The following KIAA1328 variants were observed in gnomAD, a reference collection of about 807,000 sequenced individuals.
The protein encoded by KIAA1328 is protein hinderin.
KIAA1328 carries 52 observed loss-of-function variants against 68.1 expected under a neutral mutation model. The observed-to-expected ratio is 0.76, with a 90% confidence interval of 0.61 to 0.96. The LOEUF (loss-of-function observed/expected upper bound fraction) is 0.96, where lower values mean the gene tolerates loss of function less well. Among genes scored for constraint, KIAA1328 ranks in the 40% least tolerant of loss-of-function variants. KIAA1328 has a pLI of 0.00. For missense variants in KIAA1328, 641 were observed against 677.6 expected, an observed-to-expected ratio of 0.95 and a Z score of 0.60; for synonymous variants, 232 against 239.4, an observed-to-expected ratio of 0.97 and a Z score of 0.28.
At chr18:36,954,846 C>A (rs955350006) in intron 5 of KIAA1328, among the ~76,000 whole-genome samples, 20 of 151,526 alleles carry the variant, frequency 1.3e-4, no homozygotes, top group Non-Finnish European at 1.5e-5. Flanking sequence ...AGGCGCCCAC[C>A]ACCATGCCTG....
In KIAA1328 at chr18:37,006,171, A is replaced by G. The variant is rs866770076; in HGVS notation, c.576+46736A>G. 4.6e-5 allele frequency among the ~76,000 whole-genome samples: 7 copies of G among 152,294 alleles called. No homozygotes were observed. The South Asian group carries it at 1.2e-3, about 27-fold the overall frequency. On this transcript the variant is annotated intron_variant, in intron 6 of 9. Transcript: ENST00000280020. ...GTATGCCATAAATTTGTACAAATTA[A>G]AAAAAGTAGTTATTTAAAAAAACCT...
chr18:37,122,629 G>A (rs1211924436), intron 7 of KIAA1328, among the ~76,000 whole-genome samples: 1 of 151,878 alleles, frequency 6.6e-6, no homozygotes, highest in Non-Finnish European at 1.5e-5. Flanking sequence ...TAATAGGAGG[G>A]AATGTGGAAA....
intron 6 of KIAA1328, among the ~76,000 whole-genome samples, chr18:37,012,078 T>C (rs1323587050): frequency 6.6e-6 from 1 of 152,130 alleles, no homozygotes; most frequent in Non-Finnish European, 1.5e-5. Context: ...TACTTGAAAA[T>C]AAGTATATTA....
chr18:37,041,668 G>A (rs1048524765), intron 6 of KIAA1328, among the ~76,000 whole-genome samples: 4 of 146,662 alleles, frequency 2.7e-5, no homozygotes, highest in Non-Finnish European at 5.9e-5. Flanking sequence ...GTGTGTGTGT[G>A]TGTGTGTGTA....
intron 6 of KIAA1328, among the ~76,000 whole-genome samples, chr18:37,063,963 C>A (rs986239025): frequency 2.0e-5 from 3 of 151,858 alleles, no homozygotes; most frequent in Non-Finnish European, 4.4e-5. Context: ...AATTTCTGAC[C>A]TTTTAGTAAA....
chr18:36,931,180 C>A (rs1395129331), intron 5 of KIAA1328, among the ~76,000 whole-genome samples: 1 of 151,992 alleles, frequency 6.6e-6, no homozygotes, highest in Non-Finnish European at 1.5e-5. Context: ...CTTTTGGCTC[C>A]AATTTGGATT....
At chr18:37,201,228 A>G (rs1349778090) in intron 9 of KIAA1328, among the ~76,000 whole-genome samples, 3 of 152,368 alleles carry the variant, frequency 2.0e-5, no homozygotes, top group Admixed American at 2.0e-4. Context: ...AGTAATTTGA[A>G]TGGTAGAAGT....
intron 9 of KIAA1328, among the ~76,000 whole-genome samples, chr18:37,194,393 T>G (rs1482968169): frequency 6.6e-6 from 1 of 152,236 alleles, no homozygotes; most frequent in East Asian, 1.9e-4. Flanking sequence ...TCTATTTTTT[T>G]GTCCACTTTC....
chr18:36,849,411 T>C (rs1229631330), intron 4 of KIAA1328, among the ~76,000 whole-genome samples: 1 of 152,014 alleles, frequency 6.6e-6, no homozygotes, highest in African/African-American at 2.4e-5. Flanking sequence ...TGTTCACCAG[T>C]TACTCCCCAT....
intron 6 of KIAA1328, among the ~76,000 whole-genome samples, chr18:36,962,564 A>T (rs181826394): frequency 6.6e-6 from 1 of 152,170 alleles, no homozygotes; most frequent in Non-Finnish European, 1.5e-5. Flanking sequence ...TGACTACGTA[A>T]TTGGAAGTAA....
intron 6 of KIAA1328, among the ~76,000 whole-genome samples, chr18:37,025,936 C>G (rs1599009933): frequency 1.3e-5 from 2 of 152,098 alleles, no homozygotes; most frequent in Non-Finnish European, 2.9e-5. Context: ...AATCCAGGAG[C>G]TGGTTTTTTG....
intron 5 of KIAA1328, among the ~76,000 whole-genome samples, chr18:36,943,318 C>G (rs2050778051): frequency 6.6e-6 from 1 of 152,158 alleles, no homozygotes; most frequent in Non-Finnish European, 1.5e-5. Flanking sequence ...TAGAACCTTT[C>G]TTAGCTGATG....
At chr18:36,972,107 A>G (rs2052245264) in intron 6 of KIAA1328, among the ~76,000 whole-genome samples, 1 of 152,234 alleles carries the variant, frequency 6.6e-6, no homozygotes, top group Non-Finnish European at 1.5e-5. Flanking sequence ...AATCCATATA[A>G]TAAACCCTAA....
chr18:36,957,449 C>T (rs1394990115), intron 5 of KIAA1328, among the ~76,000 whole-genome samples: 1 of 152,098 alleles, frequency 6.6e-6, no homozygotes, highest in African/African-American at 2.4e-5. Flanking sequence ...CTATTTGTCT[C>T]CCAGGCACTG....
intron 7 of KIAA1328, among the ~76,000 whole-genome samples, chr18:37,107,484 C>T (rs1470393789): frequency 1.3e-5 from 2 of 152,122 alleles, no homozygotes; most frequent in African/African-American, 2.4e-5. Context: ...TCCTTCCAGC[C>T]CATGAGCATA....
intron 7 of KIAA1328, among the ~76,000 whole-genome samples, chr18:37,096,107 T>C (rs1376493960): frequency 2.0e-5 from 3 of 152,212 alleles, no homozygotes; most frequent in Non-Finnish European, 4.4e-5. Context: ...CTTTAAGTTT[T>C]AGCGTACATG....
chr18:36,937,963 A>C (rs1018321757), intron 5 of KIAA1328, among the ~76,000 whole-genome samples: 2 of 152,102 alleles, frequency 1.3e-5, no homozygotes, highest in Admixed American at 1.3e-4. Flanking sequence ...ATGGGTGATC[A>C]ATATTCCATT....
At chr18:36,895,643 G>T in intron 5 of KIAA1328, 1 of 401,876 alleles carries the variant, frequency 2.5e-6, no homozygotes, top group East Asian at 7.4e-5. Context: ...GCTTAGCAAG[G>T]TTCGTTTGCT....
rs2059529861 is a variant in KIAA1328, at chr18:37,172,983, A to C, written c.1425A>C (p.Thr475=). 2 of 1,611,310 alleles carry C rather than the reference A, an allele frequency of 1.2e-6. No homozygotes were observed. Among genetic ancestry groups the C allele is most frequent in the Non-Finnish European group, 1.7e-6 (2 of 1,178,474 alleles). Residue 475 remains threonine, a synonymous_variant, in exon 9 of 10, where the codon ACA becomes ACC. Coordinates refer to ENST00000280020, the MANE Select transcript of KIAA1328 (RefSeq NM_020776.3). ...DTCRPQRGTV[T]GVRKDASTSP... ...TTATTTTTCATATAGGGACAGTGAC[A>C]GGAGTTAGAAAAGATGCGTCTACAT... is the stretch of plus-strand genomic sequence containing the variant.
Sources: allele counts gnomAD v4.1 joint callset (sites outside exome capture counted in the v4.1 genomes callset), GRCh38; gene constraint gnomAD v4.1.1; transcripts MANE v1.5; gene names NCBI Gene and HGNC (gene_info 2026-07-23, HGNC 2026-07-21).